Variants in SLC22A4 observed in about 807,000 individuals in gnomAD.
SLC22A4 encodes solute carrier family 22 member 4, also known as ET transporter.
SLC22A4 carries 39 observed loss-of-function variants against 56.6 expected under a neutral mutation model. That is an observed-to-expected ratio of 0.69 (90% CI 0.53 to 0.90). The LOEUF (loss-of-function observed/expected upper bound fraction) is 0.90. SLC22A4 is among the 40% of genes least tolerant of loss of function. The probability of loss-of-function intolerance (pLI) is 0.00; values close to 1 mark genes in which losing one functional copy is unlikely to be tolerated. For synonymous variants in SLC22A4, 241 were observed against 281.4 expected, an observed-to-expected ratio of 0.86 and a Z score of 1.44; for missense variants, 594 against 696.5, an observed-to-expected ratio of 0.85 and a Z score of 1.66.
intron 1 of SLC22A4, among the ~76,000 whole-genome samples, chr5:132,295,901 T>G (rs1749767509): frequency 1.3e-5 from 2 of 152,202 alleles, no homozygotes; most frequent in Admixed American, 1.3e-4. Context: ...TAGTCCCTTA[T>G]CCCTTTCCCT....
At chr5:132,328,930 TAC>T (rs1213933814) in intron 5 of SLC22A4, among the ~76,000 whole-genome samples, 74 of 21,910 alleles carry the variant, frequency 3.4e-3, no homozygotes, top group African/African-American at 0.022. Flanking sequence ...TATATATATA[TAC>T]ACACACACAC....
chr5:132,327,351 C>T lies in SLC22A4; in HGVS notation c.899C>T (p.Ala300Val). 2 of 1,611,908 alleles carry T rather than the reference C, an allele frequency of 1.2e-6. No individual in the cohort carries two copies. Among genetic ancestry groups the T allele is most frequent in the South Asian group, 2.2e-5 (2 of 91,044 alleles). ...GAGGCTGAAGATATCATCCAAAAAG[C>T]TGCAAAAATGAACAACATAGCTGTA... ...FREAEDIIQK[A>V]AKMNNIAVPA... is the part of the protein sequence containing the mutation. The change falls in exon 5 of 10, where the codon GCT becomes GTT. Residue 300 changes from alanine to valine, a missense_variant. Transcript: ENST00000200652.
intron 4 of SLC22A4, among the ~76,000 whole-genome samples, chr5:132,322,979 A>C (rs1455140349): frequency 6.6e-6 from 1 of 152,148 alleles, no homozygotes; most frequent in African/African-American, 2.4e-5. Flanking sequence ...TATCTGGGGG[A>C]TTTCAGGTGA....
intron 5 of SLC22A4, among the ~76,000 whole-genome samples, chr5:132,330,379 A>T (rs1356742662): frequency 1.3e-5 from 2 of 152,222 alleles, no homozygotes; most frequent in South Asian, 4.1e-4. Flanking sequence ...AATTCTAATC[A>T]GCTTGGTTAC....
chr5:132,328,656 C>T (rs272892), intron 5 of SLC22A4, among the ~76,000 whole-genome samples: 107,202 of 151,852 alleles, frequency 0.71, 38,390 homozygotes, highest in African/African-American at 0.81. Context: ...GGGTGTTTAT[C>T]GGTATTTATC....
rs975190572 is a variant in SLC22A4 at position 132,333,334 on chromosome 5, C to T, written c.1047-1384C>T. 3.9e-5 allele frequency among the ~76,000 whole-genome samples: 6 copies of T among 152,194 alleles called. No individual in the cohort carries two copies. In the South Asian group the frequency reaches 8.3e-4, roughly 21 times the overall value. ...AAAGCTAGCTTAGGGAGAAAGGTAT[C>T]GGCTTCCTGCCTGAAGGGTACCACC... On this transcript the variant is annotated intron_variant, in intron 6 of 9. Coordinates refer to ENST00000200652, the MANE Select transcript of SLC22A4 (RefSeq NM_003059.3).
chr5:132,328,891 A>ATGTG (rs201241772), intron 5 of SLC22A4, among the ~76,000 whole-genome samples: 10,756 of 37,596 alleles, frequency 0.29, 594 homozygotes, highest in East Asian at 0.41. Flanking sequence ...GTGTATATAT[A>ATGTG]TGTGTGTATG....
At chr5:132,313,081 C>T (rs765521935) in intron 2 of SLC22A4, among the ~76,000 whole-genome samples, 1 of 152,208 alleles carries the variant, frequency 6.6e-6, no homozygotes, top group Non-Finnish European at 1.5e-5. Flanking sequence ...TTTTGTTGCA[C>T]GCTACTCATC....
At chr5:132,339,473 C>CGT (rs1290483344) in intron 8 of SLC22A4, among the ~76,000 whole-genome samples, 1 of 114,216 alleles carries the variant, frequency 8.8e-6, no homozygotes, top group Admixed American at 9.3e-5. Flanking sequence ...CTGGTACACA[C>CGT]GTACACACAC....
chr5:132,313,731 G>A lies in SLC22A4; in HGVS notation c.615G>A (p.Met205Ile), dbSNP rs11568500. The part of the protein sequence containing the change: ...MFTVLFVIVG[M>I]GQISNYVVAF... Reference sequence around the variant, plus strand: ...CTGTGTTATTTGTCATCGTGGGCATGGGCCAGATCTCCAACTATGTGGTAG... The same window carrying A: ...CTGTGTTATTTGTCATCGTGGGCATAGGCCAGATCTCCAACTATGTGGTAG... The change falls in exon 3 of 10, where the codon ATG (methionine) becomes ATA (isoleucine). Residue 205 changes from methionine to isoleucine, a missense_variant. Physicochemically the swap from Met to Ile is conservative, Grantham distance 10. Transcript: ENST00000200652. The A allele has an allele frequency of 2.5e-6, 4 of 1,614,100 alleles. No homozygotes were observed. The African/African-American group carries it at 4.0e-5, about 16-fold the overall frequency.
rs186012138 is a variant in SLC22A4, at chr5:132,316,634, C to A, written c.652+2866C>A. On this transcript the variant is annotated intron_variant, in intron 3 of 9. Transcript: ENST00000200652. ...TAACATCAACCTCCATGTGACATTT[C>A]TTTGGGCATGCTGAACCATTTAAAG... Among the ~76,000 whole-genome samples the A allele has an allele frequency of 1.1e-4, 16 of 152,328 alleles. No individual in the cohort carries two copies. In the East Asian group the frequency reaches 2.9e-3, roughly 27 times the overall value.
intron 1 of SLC22A4, among the ~76,000 whole-genome samples, chr5:132,301,787 A>C (rs1367889736): frequency 6.6e-6 from 1 of 152,198 alleles, no homozygotes; most frequent in Non-Finnish European, 1.5e-5. Flanking sequence ...AGGCCCCGAC[A>C]AAAGGGGAAA....
intron 1 of SLC22A4, among the ~76,000 whole-genome samples, chr5:132,298,690 G>T (rs1749834242): frequency 6.6e-6 from 1 of 152,202 alleles, no homozygotes; most frequent in Non-Finnish European, 1.5e-5. Context: ...GTGAGATAAT[G>T]CCCCATGCCC....
At chr5:132,306,601 G>A (rs905451660) in intron 1 of SLC22A4, among the ~76,000 whole-genome samples, 20 of 150,144 alleles carry the variant, frequency 1.3e-4, no homozygotes, top group African/African-American at 4.4e-4. Context: ...ACGTGCCACC[G>A]TGCCCAGCTA....
intron 4 of SLC22A4, among the ~76,000 whole-genome samples, chr5:132,326,057 T>TAAA (rs1750680386): frequency 6.6e-6 from 1 of 152,248 alleles, no homozygotes; most frequent in African/African-American, 2.4e-5. Flanking sequence ...CCTGAGCTGC[T>TAAA]ACTCTCTGCC....
intron 5 of SLC22A4, among the ~76,000 whole-genome samples, chr5:132,328,733 G>C (rs1222656361): frequency 6.6e-6 from 1 of 151,772 alleles, no homozygotes; most frequent in Non-Finnish European, 1.5e-5. Context: ...CTATGTGGAT[G>C]ACAGCAATCA....
In SLC22A4 at chr5:132,340,527, C is replaced by T. The variant is rs1751181246; in HGVS notation, c.1445-38C>T. The T allele has an allele frequency of 3.1e-6, 5 of 1,605,570 alleles. No individual in the cohort carries two copies. The East Asian group carries it at 1.1e-4, about 36-fold the overall frequency. ...TGCTCAAGAGTGCCCAGAGAGTCCT[C>T]CTATCTGATTGATGTTCTTATGTCC... is the stretch of plus-strand genomic sequence containing the variant. On this transcript the variant is annotated intron_variant, in intron 8 of 9. Transcript: ENST00000200652.
intron 1 of SLC22A4, 109 bp from the exon 2 acceptor site, chr5:132,312,052 A>G (rs1303683176): frequency 1.3e-6 from 1 of 789,832 alleles, no homozygotes; most frequent in African/African-American, 1.7e-5. Flanking sequence ...ATCCTGGCCC[A>G]GGGGAGGAGA....
chr5:132,302,566 C>T (rs200663485), intron 1 of SLC22A4, among the ~76,000 whole-genome samples: 1 of 152,222 alleles, frequency 6.6e-6, no homozygotes, highest in East Asian at 1.9e-4. Flanking sequence ...CATGCTCTAG[C>T]AAGAAGCACA....
Sources: gnomAD v4.1 joint callset for allele counts (sites outside exome capture counted in the v4.1 genomes callset) on GRCh38, gnomAD v4.1.1 for gene constraint, MANE v1.5 for transcripts, NCBI Gene and HGNC (gene_info 2026-07-23, HGNC 2026-07-21) for gene names.